Variants in LRP5 observed in about 807,000 individuals in gnomAD.
LRP5 encodes the protein low-density lipoprotein receptor-related protein 5.
In LRP5, 62 loss-of-function variants were observed where a neutral mutation model predicts 154.1. The observed-to-expected ratio is 0.40, with a 90% CI of 0.33 to 0.50. LRP5 has a LOEUF of 0.50. LRP5 is among the 20% of genes least tolerant of loss of function. The pLI is 0.55. For missense variants in LRP5, 1,915 were observed against 2,336.7 expected (o/e 0.82, Z 3.72); for synonymous variants, 966 against 1,011.5 (o/e 0.96, Z 0.85).
chr11:68,364,087 G>A (rs997473743), intron 4 of LRP5, 144 bp downstream of exon 4: 2 of 595,088 alleles, frequency 3.4e-6, no homozygotes, highest in African/African-American at 3.9e-5. Context: ...CCCTGCAGAA[G>A]CCCATGCTCT....
At chr11:68,351,658 G>A (rs2098618685) in intron 2 of LRP5, among the ~76,000 whole-genome samples, 1 of 152,194 alleles carries the variant, frequency 6.6e-6, no homozygotes, top group Non-Finnish European at 1.5e-5. Context: ...GCATTTGTGA[G>A]CCCTTGCGCC....
chr11:68,406,774 G>T lies in LRP5; in HGVS notation c.2052G>T (p.Val684=), dbSNP rs771048928. 1.3e-5 allele frequency: 21 copies of T among 1,614,106 alleles called. No homozygotes were observed. The South Asian group carries it at 2.0e-4, about 15-fold the overall frequency. ...VKEASALDFD[V]SNNHIYWTDV... is the part of the protein sequence containing the mutation. ...AGGCCTCAGCCCTGGACTTTGATGT[G>T]TCCAACAACCACATCTACTGGACAG... Residue 684 remains valine, a synonymous_variant, in exon 9 of 23, where the codon GTG becomes GTT. Coordinates refer to ENST00000294304, the MANE Select transcript of LRP5 (RefSeq NM_002335.4).
intron 1 of LRP5, among the ~76,000 whole-genome samples, chr11:68,320,144 A>G (rs1270371183): frequency 2.0e-5 from 3 of 152,208 alleles, no homozygotes; most frequent in Non-Finnish European, 4.4e-5. Context: ...TAGCCTGGGC[A>G]ACAGAGCGAG....
intron 7 of LRP5, among the ~76,000 whole-genome samples, chr11:68,392,783 C>G (rs911049853): frequency 6.6e-6 from 1 of 152,094 alleles, no homozygotes; most frequent in Admixed American, 6.6e-5. Flanking sequence ...GGCTTCTTTC[C>G]ATAGCATTGT....
intron 17 of LRP5, among the ~76,000 whole-genome samples, chr11:68,430,322 C>T (rs573391259): frequency 3.4e-4 from 51 of 152,210 alleles, no homozygotes; most frequent in African/African-American, 1.0e-3. Context: ...TACAGGTGCA[C>T]GCCACCATAC....
At chr11:68,348,486 G>C (rs187812870) in intron 2 of LRP5, among the ~76,000 whole-genome samples, 1 of 139,672 alleles carries the variant, frequency 7.2e-6, no homozygotes, top group African/African-American at 2.7e-5. Flanking sequence ...ATGAACCCGT[G>C]GGGGGGTTGG....
rs1462903734 is a variant in LRP5 at position 68,415,783 on chromosome 11, G to A, written c.2828-545G>A. Among the ~76,000 whole-genome samples the A allele has an allele frequency of 2.8e-5, 2 of 71,422 alleles. 1 individual carries two copies. The highest frequency in any genetic ancestry group is 6.8e-5 in the African/African-American group (2 of 29,524). The allele number at this position is 71,422 out of a possible 152,430, so 46.9% of individuals were successfully genotyped here. On this transcript the variant is annotated intron_variant, in intron 12 of 22. Coordinates refer to ENST00000294304, the MANE Select transcript of LRP5 (RefSeq NM_002335.4). ...TGAATGAATGAATGAATGGCAGGGC[G>A]TAGTGGCTCACACCTGTAATCCCAG...
chr11:68,427,975 TTTTA>T (rs1216983586), intron 16 of LRP5, among the ~76,000 whole-genome samples: 1 of 43,440 alleles, frequency 2.3e-5, no homozygotes, highest in South Asian at 9.4e-4. Context: ...ATTTTATTTT[TTTTA>T]TTTATTTATT....
In LRP5 at chr11:68,320,121, A is replaced by G. The variant is rs532023146; in HGVS notation, c.91+7316A>G. Reference sequence around the variant, plus strand: ...GGCTGCAGTAAGCCATGATCACAGCACTGCAACAGATCTAGCCTGGGCAAC... The same window carrying G: ...GGCTGCAGTAAGCCATGATCACAGCGCTGCAACAGATCTAGCCTGGGCAAC... On this transcript the variant is annotated intron_variant, in intron 1 of 22. Coordinates refer to ENST00000294304, the MANE Select transcript of LRP5 (RefSeq NM_002335.4). Among the ~76,000 whole-genome samples, 41 of 152,334 alleles carry G rather than the reference A, an allele frequency of 2.7e-4. No homozygotes were observed. The East Asian group carries it at 7.7e-3, about 29-fold the overall frequency.
chr11:68,347,187 G>A (rs2098613796), intron 1 of LRP5, among the ~76,000 whole-genome samples: 1 of 152,230 alleles, frequency 6.6e-6, no homozygotes, highest in Non-Finnish European at 1.5e-5. Context: ...GCTGTGGAAG[G>A]TGTCTGAGCC....
Position 68,365,675 on chromosome 11 carries a change from C to A in LRP5, c.988C>A (p.Gln330Lys). 1.3e-6 allele frequency: 2 copies of A among 1,585,992 alleles called. 1 individual carries two copies. Among genetic ancestry groups the A allele is most frequent in the South Asian group, 2.2e-5 (2 of 90,674 alleles). Reference sequence around the variant, plus strand: ...CGCCTGCCCCACGGGTGTGCAGCTGCAGGACAACGGCAGGACGTGTAAGGC... The same window carrying A: ...CGCCTGCCCCACGGGTGTGCAGCTGAAGGACAACGGCAGGACGTGTAAGGC... ...TCACPTGVQL[Q>K]DNGRTCKAGA... Residue 330 changes from glutamine (Q) to lysine (K), a missense_variant, in exon 5 of 23, where the codon CAG becomes AAG. Transcript: ENST00000294304.
chr11:68,351,055 C>T (rs930363625), intron 2 of LRP5, among the ~76,000 whole-genome samples: 3 of 152,136 alleles, frequency 2.0e-5, no homozygotes, highest in East Asian at 1.9e-4. Flanking sequence ...CGAGTATGTG[C>T]GCGAGAGTGT....
intron 18 of LRP5, among the ~76,000 whole-genome samples, chr11:68,434,739 C>T (rs2098673954): frequency 6.6e-6 from 1 of 152,124 alleles, no homozygotes; most frequent in Non-Finnish European, 1.5e-5. Context: ...TTGTCAGCAC[C>T]ATGGGCCCAG....
chr11:68,392,429 G>C (rs779983872), intron 7 of LRP5, among the ~76,000 whole-genome samples: 1 of 152,178 alleles, frequency 6.6e-6, no homozygotes, highest in Non-Finnish European at 1.5e-5. Flanking sequence ...GCTTGAGCCC[G>C]GGAGGTGGAG....
At chr11:68,433,110 G>C (rs766346044) in intron 17 of LRP5, among the ~76,000 whole-genome samples, 24 of 152,184 alleles carry the variant, frequency 1.6e-4, no homozygotes, top group Non-Finnish European at 2.9e-4. Context: ...CCCTTCTTCT[G>C]TAGCAGTCCC....
At chr11:68,426,260 T>G in intron 16 of LRP5, 73 bp downstream of exon 16, 1 of 1,320,246 alleles carries the variant, frequency 7.6e-7, no homozygotes, top group Non-Finnish European at 1.1e-6. Flanking sequence ...TGGAGGCCAG[T>G]GCAAGATCCT....
intron 1 of LRP5, among the ~76,000 whole-genome samples, chr11:68,323,702 G>T (rs2098598053): frequency 6.6e-6 from 1 of 152,182 alleles, no homozygotes; most frequent in Non-Finnish European, 1.5e-5. Context: ...TTATAGGCGT[G>T]AGCCACCGCG....
chr11:68,354,899 G>A (rs1384521932), intron 2 of LRP5, among the ~76,000 whole-genome samples: 1 of 152,240 alleles, frequency 6.6e-6, no homozygotes, highest in Non-Finnish European at 1.5e-5. Flanking sequence ...GCTGTTCCAT[G>A]TGACACCCCT....
intron 7 of LRP5, among the ~76,000 whole-genome samples, chr11:68,399,817 G>A (rs1053154041): frequency 2.0e-5 from 3 of 152,206 alleles, no homozygotes; most frequent in East Asian, 1.9e-4. Context: ...GGGTTGGGCC[G>A]GTCAAGATGT....
Sources: allele counts gnomAD v4.1 joint callset (sites outside exome capture counted in the v4.1 genomes callset), GRCh38; gene constraint gnomAD v4.1.1; transcripts MANE v1.5; gene names NCBI Gene and HGNC (gene_info 2026-07-23, HGNC 2026-07-21).